Variants in NPY4R observed in about 807,000 individuals in gnomAD.
NPY4R encodes the protein neuropeptide Y receptor Y4.
In NPY4R, 2 loss-of-function variants were observed where a neutral mutation model predicts 11.9. That is an observed-to-expected ratio of 0.17 (90% confidence interval 0.07 to 0.53). NPY4R has a LOEUF of 0.53. Ranked by LOEUF, NPY4R falls within the 20% of genes least tolerant of loss-of-function variation. NPY4R has a pLI of 0.94. For synonymous variants in NPY4R, 8 were observed against 121.7 expected (o/e 0.07, Z 6.15); for missense variants, 26 against 280.2 (o/e 0.09, Z 6.48).
At chr10:46,468,078 G>A (rs1258799033), upstream of NPY4R, among the ~76,000 whole-genome samples, 3 of 124,978 alleles carry the variant, frequency 2.4e-5, no homozygotes, top group Non-Finnish European at 5.1e-5. Context: ...TCTCACAGGC[G>A]AGAAAACTGA....
chr10:46,461,310 A>G lies in NPY4R; in HGVS notation c.*198T>C, dbSNP rs1241767562. 3.0e-5 allele frequency: 2 copies of G among 67,270 alleles called. No homozygotes were observed. The highest frequency in any genetic ancestry group is 6.1e-5 in the Non-Finnish European group (2 of 33,030). 4.2% of individuals were successfully genotyped at this position (67,270 alleles called of 1,614,324 possible). A position where few individuals can be genotyped will look rare whatever the true frequency, so the allele number is the denominator to read the frequency against. ...GTGACCTCTGGAATCTGTGCTCAGAATTCTCCCAGGAACAAACAGCTGAAG... is the reference window on the plus strand; with the variant it reads ...GTGACCTCTGGAATCTGTGCTCAGAGTTCTCCCAGGAACAAACAGCTGAAG... On this transcript the variant is annotated 3_prime_UTR_variant, in exon 3 of 3. Coordinates refer to ENST00000374312, the MANE Select transcript of NPY4R (RefSeq NM_005972.6).
upstream of NPY4R, among the ~76,000 whole-genome samples, chr10:46,466,248 TTTCTTTCTTTCTTTCC>T (rs1841035555): frequency 2.8e-5 from 2 of 72,146 alleles, no homozygotes; most frequent in African/African-American, 7.9e-5. Context: ...TCTTTCTTTC[TTTCTTTCTTTCTTTCC>T]TTTCTTTCTT....
At chr10:46,466,284 C>A (rs1565142764), upstream of NPY4R, among the ~76,000 whole-genome samples, 6 of 32,970 alleles carry the variant, frequency 1.8e-4, no homozygotes, top group Non-Finnish European at 2.1e-4. Flanking sequence ...TTCTTTCTTT[C>A]TCTCTCTCTC....
chr10:46,468,118 G>A (rs1841107662), upstream of NPY4R, among the ~76,000 whole-genome samples: 1 of 126,426 alleles, frequency 7.9e-6, no homozygotes, highest in Non-Finnish European at 1.7e-5. Context: ...TCTTGTCTCA[G>A]CCAGCCAACT....
upstream of NPY4R, chr10:46,465,986 C>G (rs1841004584): frequency 6.4e-6 from 1 of 155,770 alleles, no homozygotes; most frequent in South Asian, 2.0e-4. Context: ...CCCGCCTGCG[C>G]CCGCCCAGCC....
At chr10:46,464,241 T>C (rs1249651746) in intron 1 of NPY4R, among the ~76,000 whole-genome samples, 2 of 151,762 alleles carry the variant, frequency 1.3e-5, no homozygotes, top group East Asian at 3.9e-4. Context: ...TGGTGGTGCA[T>C]GCCTGTAGTC....
In NPY4R at chr10:46,462,506, T is replaced by G. The variant is rs1554989938; in HGVS notation, c.130A>C (p.Ile44Leu). 1 of 1,614,236 alleles carries G rather than the reference T, an allele frequency of 6.2e-7. No individual in the cohort carries two copies. The highest frequency in any genetic ancestry group is 2.2e-5 in the East Asian group (1 of 44,882). ...GTCTCAATGCTGTAGGAAGTGACGA[T>G]GAAGACCATCACGTCCACGGAATCC... ...CQDSVDVMVFIVTSYSIETVV... is the reference protein window; with the variant it reads ...CQDSVDVMVFLVTSYSIETVV... Residue 44 changes from isoleucine (I) to leucine (L), a missense_variant, in exon 3 of 3, where the codon ATC (isoleucine) becomes CTC (leucine). Transcript: ENST00000374312.
At chr10:46,466,260 T>TTCCTTCC (rs1841041252), upstream of NPY4R, among the ~76,000 whole-genome samples, 1 of 66,030 alleles carries the variant, frequency 1.5e-5, no homozygotes, top group East Asian at 2.5e-4. Context: ...TCTTTCTTTC[T>TTCCTTCC]TTCCTTTCTT....
intron 2 of NPY4R, among the ~76,000 whole-genome samples, 160 bp from the exon 3 acceptor site, chr10:46,462,854 G>A (rs1840887926): frequency 9.2e-6 from 1 of 109,074 alleles, no homozygotes. Context: ...GGCATCCAAT[G>A]ATTGCTACCT....
chr10:46,466,236 TTTC>T (rs1554991227), upstream of NPY4R, among the ~76,000 whole-genome samples: 2 of 70,308 alleles, frequency 2.8e-5, no homozygotes, highest in African/African-American at 8.4e-5. Context: ...TCTTTCTTTC[TTTC>T]TTTCTTTCTT....
upstream of NPY4R, among the ~76,000 whole-genome samples, chr10:46,467,492 C>T (rs1251721815): frequency 6.6e-6 from 1 of 150,790 alleles, no homozygotes; most frequent in Non-Finnish European, 1.5e-5. Flanking sequence ...TCCTACCACC[C>T]TCCCATGCTC....
At chr10:46,466,262 T>TCTCC (rs1841041949), upstream of NPY4R, among the ~76,000 whole-genome samples, 1 of 53,416 alleles carries the variant, frequency 1.9e-5, no homozygotes, top group African/African-American at 1.0e-4. Context: ...TTTCTTTCTT[T>TCTCC]CCTTTCTTTC....
At chr10:46,466,195 CTT>C (rs1306664189), upstream of NPY4R, among the ~76,000 whole-genome samples, 2 of 30,810 alleles carry the variant, frequency 6.5e-5, no homozygotes, top group African/African-American at 3.5e-4. Flanking sequence ...TTCTTTCTTT[CTT>C]TCTTTCTTTC....
At chr10:46,464,029 C>T (rs1219217237) in intron 1 of NPY4R, 144 bp from the exon 2 acceptor site, 1 of 143,438 alleles carries the variant, frequency 7.0e-6, no homozygotes, top group Non-Finnish European at 1.5e-5. Context: ...TGATCAATTG[C>T]TATGTTAAGG....
At chr10:46,466,263 C>CCTTTCTTT (rs1183828775), upstream of NPY4R, among the ~76,000 whole-genome samples, 5 of 12,556 alleles carry the variant, frequency 4.0e-4, no homozygotes, top group Non-Finnish European at 1.1e-3. Flanking sequence ...TTCTTTCTTT[C>CCTTTCTTT]CTTTCTTTCT....
At chr10:46,466,191 CT>C (rs782363956), upstream of NPY4R, among the ~76,000 whole-genome samples, 1 of 19,908 alleles carries the variant, frequency 5.0e-5, no homozygotes, top group East Asian at 5.4e-4. Context: ...CTCTTTCTTT[CT>C]TTCTTTCTTT....
chr10:46,466,183 CTTT>C (rs1841016906), upstream of NPY4R, among the ~76,000 whole-genome samples: 18 of 93,836 alleles, frequency 1.9e-4, 2 homozygotes, highest in African/African-American at 2.6e-4. Context: ...GTCTTTCTCT[CTTT>C]CTTTCTTTCT....
At chr10:46,464,355 C>T (rs149224127) in intron 1 of NPY4R, among the ~76,000 whole-genome samples, 189 of 98,358 alleles carry the variant, frequency 1.9e-3, no homozygotes, top group South Asian at 6.2e-3. Flanking sequence ...GGCAACAGAG[C>T]GAGACTCTGT....
chr10:46,467,974 G>A (rs1433703558), upstream of NPY4R, among the ~76,000 whole-genome samples: 1 of 109,552 alleles, frequency 9.1e-6, no homozygotes, highest in Non-Finnish European at 1.9e-5. Context: ...TGAAATGGTG[G>A]TAAAAGCAGC....
Sources: gnomAD v4.1 joint callset for allele counts (sites outside exome capture counted in the v4.1 genomes callset) on GRCh38, gnomAD v4.1.1 for gene constraint, MANE v1.5 for transcripts, NCBI Gene and HGNC (gene_info 2026-07-23, HGNC 2026-07-21) for gene names.